ARHGAP24: variants seen among roughly 807,000 people sequenced by gnomAD.
ARHGAP24 encodes rho GTPase-activating protein 24.
In ARHGAP24, 50 loss-of-function variants were observed where a neutral mutation model predicts 76.4. The observed-to-expected ratio is 0.65, with a 90% CI of 0.52 to 0.83. The LOEUF is 0.83. ARHGAP24 is among the 40% of genes least tolerant of loss of function. The pLI, the probability that ARHGAP24 is intolerant of heterozygous loss-of-function variation, is 0.00. For synonymous variants in ARHGAP24, 345 were observed against 323.3 expected (o/e 1.07, Z -0.72); for missense variants, 930 against 914.2 (o/e 1.02, Z -0.22).
intron 3 of ARHGAP24, among the ~76,000 whole-genome samples, chr4:85,751,843 T>G (rs187250591): frequency 6.6e-6 from 1 of 152,306 alleles, no homozygotes; most frequent in Non-Finnish European, 1.5e-5. Context: ...AGAATGACAT[T>G]AGGTAAATCA....
At chr4:85,543,556 T>G (rs1725792527) in intron 1 of ARHGAP24, among the ~76,000 whole-genome samples, 1 of 152,240 alleles carries the variant, frequency 6.6e-6, no homozygotes. Context: ...ATAAAACTAC[T>G]ACTAACTGAT....
intron 3 of ARHGAP24, among the ~76,000 whole-genome samples, chr4:85,762,546 T>A (rs1056414963): frequency 1.3e-5 from 2 of 152,186 alleles, no homozygotes; most frequent in African/African-American, 2.4e-5. Context: ...AATTTGTGTA[T>A]TTTAGCTGAA....
intron 1 of ARHGAP24, among the ~76,000 whole-genome samples, chr4:85,567,382 T>C (rs10011356): frequency 0.017 from 2,524 of 152,288 alleles, 76 homozygotes; most frequent in African/African-American, 0.057. Flanking sequence ...GGATTTGAAC[T>C]ATTTTTTAGA....
At chr4:85,988,261 A>G (rs985076662) in intron 8 of ARHGAP24, among the ~76,000 whole-genome samples, 1 of 151,822 alleles carries the variant, frequency 6.6e-6, no homozygotes, top group African/African-American at 2.4e-5. Flanking sequence ...CTACACAGCA[A>G]TAATATGTGG....
At chr4:85,589,457 G>T (rs1331982583) in intron 2 of ARHGAP24, among the ~76,000 whole-genome samples, 1 of 152,178 alleles carries the variant, frequency 6.6e-6, no homozygotes, top group Non-Finnish European at 1.5e-5. Context: ...TGGTAGGACT[G>T]ATTGACTTGA....
chr4:85,829,696 A>G (rs1443965718), intron 3 of ARHGAP24, among the ~76,000 whole-genome samples: 1 of 152,260 alleles, frequency 6.6e-6, no homozygotes, highest in Non-Finnish European at 1.5e-5. Flanking sequence ...CATGACTATC[A>G]CCATGACTGA....
intron 3 of ARHGAP24, among the ~76,000 whole-genome samples, chr4:85,749,347 G>T (rs183777532): frequency 1.3e-5 from 2 of 152,294 alleles, no homozygotes; most frequent in Non-Finnish European, 1.5e-5. Context: ...GTCCTTAGAA[G>T]AGTCTCACTC....
At chr4:85,834,273 C>T (rs571600299) in intron 3 of ARHGAP24, among the ~76,000 whole-genome samples, 67 of 152,258 alleles carry the variant, frequency 4.4e-4, no homozygotes, top group African/African-American at 1.5e-3. Context: ...GACCTTCTTC[C>T]ATAGGACCTA....
At chr4:85,619,392 G>A (rs1320801074) in intron 2 of ARHGAP24, among the ~76,000 whole-genome samples, 1 of 151,778 alleles carries the variant, frequency 6.6e-6, no homozygotes, top group African/African-American at 2.4e-5. Flanking sequence ...TTGTGATTAG[G>A]TAGTACGCTA....
At chr4:85,648,328 T>G (rs1168231977) in intron 2 of ARHGAP24, among the ~76,000 whole-genome samples, 2 of 152,148 alleles carry the variant, frequency 1.3e-5, no homozygotes, top group Non-Finnish European at 2.9e-5. Context: ...TGTTAGATAC[T>G]CAATTATAGC....
chr4:85,932,772 A>G (rs900679524), intron 4 of ARHGAP24, among the ~76,000 whole-genome samples: 5 of 152,214 alleles, frequency 3.3e-5, no homozygotes, highest in Non-Finnish European at 5.9e-5. Flanking sequence ...GAGGAGGTGC[A>G]GGAAGCGTTC....
At chr4:85,882,499 TC>T (rs1733315943) in intron 3 of ARHGAP24, among the ~76,000 whole-genome samples, 1 of 152,176 alleles carries the variant, frequency 6.6e-6, no homozygotes, top group Admixed American at 6.5e-5. Context: ...ATTAGCTTGT[TC>T]CAGGAACTTG....
At chr4:85,655,452 A>T (rs1722102091) in intron 2 of ARHGAP24, among the ~76,000 whole-genome samples, 1 of 152,064 alleles carries the variant, frequency 6.6e-6, no homozygotes, top group Non-Finnish European at 1.5e-5. Flanking sequence ...GAAAATACTT[A>T]TGTAAAACTC....
intron 2 of ARHGAP24, among the ~76,000 whole-genome samples, chr4:85,578,475 G>T (rs1228039583): frequency 4.6e-5 from 7 of 152,180 alleles, no homozygotes; most frequent in African/African-American, 1.4e-4. Flanking sequence ...GAATTGATTT[G>T]TCCGGTATAG....
At chr4:85,704,017 CA>C (rs1293628084) in intron 2 of ARHGAP24, among the ~76,000 whole-genome samples, 1 of 152,124 alleles carries the variant, frequency 6.6e-6, no homozygotes, top group Non-Finnish European at 1.5e-5. Flanking sequence ...TTATATTATG[CA>C]ATCTATAGCA....
Position 85,977,574 on chromosome 4 carries a change from T to A in ARHGAP24, c.811T>A (p.Leu271Met). ...YNLLKYICRF[L>M]DEVQSYSGVN... ...TCATATGCTTATACTCCATAGATTC[T>A]TGGATGAAGTACAGTCCTACTCGGG... is the stretch of plus-strand genomic sequence containing the variant. The change falls in exon 8 of 10, where the codon TTG becomes ATG. Residue 271 changes from leucine to methionine, a missense_variant. By Grantham distance (15) the Leu-to-Met change is conservative. Transcript: ENST00000395184. 6.2e-7 allele frequency: 1 copy of A among 1,613,582 alleles called. No individual in the cohort carries two copies. The highest frequency in any genetic ancestry group is 8.5e-7 in the Non-Finnish European group (1 of 1,179,682).
Position 85,995,110 on chromosome 4 carries a change from A to C in ARHGAP24, c.1456A>C (p.Ile486Leu), listed in dbSNP as rs1201847656. The C allele has an allele frequency of 1.2e-6, 2 of 1,614,066 alleles. No individual in the cohort carries two copies. The highest frequency in any genetic ancestry group is 4.5e-5 in the East Asian group (2 of 44,842). The change falls in exon 9 of 10, where the codon ATT becomes CTT. Residue 486 changes from isoleucine (I) to leucine (L), a missense_variant. Physicochemically the swap from Ile to Leu is conservative, Grantham distance 5. Transcript: ENST00000395184. ...ACAGAATGGAACGGTGCGCATGGGC[A>C]TTTTGAACAGCGACACACTCGGGAA... ...SVQNGTVRMG[I>L]LNSDTLGNPT...
chr4:85,594,818 G>T (rs1305106355), intron 2 of ARHGAP24, among the ~76,000 whole-genome samples: 1 of 151,968 alleles, frequency 6.6e-6, no homozygotes, highest in Non-Finnish European at 1.5e-5. Context: ...CTAAAATATT[G>T]TTTAAAATTT....
chr4:85,770,360 T>C (rs1727088351), intron 3 of ARHGAP24, among the ~76,000 whole-genome samples: 2 of 152,230 alleles, frequency 1.3e-5, no homozygotes, highest in Non-Finnish European at 2.9e-5. Flanking sequence ...TCACATTTTA[T>C]ATCCAATGCT....
Sources: gnomAD v4.1 joint callset for allele counts (sites outside exome capture counted in the v4.1 genomes callset) on GRCh38, gnomAD v4.1.1 for gene constraint, MANE v1.5 for transcripts, NCBI Gene and HGNC (gene_info 2026-07-23, HGNC 2026-07-21) for gene names.